Variants in MYO9A observed in about 807,000 individuals in gnomAD.
The protein encoded by MYO9A is myosin IXA.
A neutral mutation model predicts 293.3 loss-of-function variants in MYO9A; 103 were observed. The ratio of observed to expected loss-of-function variants is 0.35; its 90% CI spans 0.30 to 0.41. The LOEUF (loss-of-function observed/expected upper bound fraction) is 0.41, where lower values mean the gene tolerates loss of function less well. Ranked by LOEUF, MYO9A falls within the 10% of genes least tolerant of loss-of-function variation. The pLI, the probability that MYO9A is intolerant of heterozygous loss-of-function variation, is 1.00. For synonymous variants in MYO9A, 1,001 were observed against 1,035.7 expected (o/e 0.97, Z 0.64); for missense variants, 2,685 against 3,033.0 (o/e 0.89, Z 2.69).
chr15:72,015,905 G>C (rs2077324293), intron 6 of MYO9A, among the ~76,000 whole-genome samples: 1 of 151,890 alleles, frequency 6.6e-6, no homozygotes, highest in Non-Finnish European at 1.5e-5. Flanking sequence ...AGCCAGGATG[G>C]TCTCAATCTC....
intron 20 of MYO9A, 79 bp from the exon 21 acceptor site, chr15:71,904,118 T>C: frequency 1.8e-6 from 2 of 1,122,728 alleles, no homozygotes; most frequent in Non-Finnish European, 2.6e-6. Flanking sequence ...TGACTAACTG[T>C]TGAGTATCTA....
intron 19 of MYO9A, among the ~76,000 whole-genome samples, chr15:71,905,531 T>G (rs542298856): frequency 1.3e-5 from 2 of 152,198 alleles, no homozygotes; most frequent in South Asian, 4.1e-4. Flanking sequence ...ACGCCTATAA[T>G]CCCAGCATTT....
chr15:72,086,543 C>T (rs1477461122), intron 1 of MYO9A, among the ~76,000 whole-genome samples: 2 of 151,964 alleles, frequency 1.3e-5, no homozygotes, highest in South Asian at 2.1e-4. Flanking sequence ...CTCACACTGG[C>T]AGCAGTGGCA....
intron 2 of MYO9A, among the ~76,000 whole-genome samples, chr15:72,038,535 G>A (rs893820639): frequency 3.9e-5 from 6 of 152,250 alleles, no homozygotes; most frequent in East Asian, 3.9e-4. Flanking sequence ...GCAAGATGTG[G>A]AACAGATCCA....
intron 34 of MYO9A, among the ~76,000 whole-genome samples, chr15:71,855,455 C>G (rs1351792285): frequency 1.3e-5 from 2 of 152,164 alleles, no homozygotes; most frequent in African/African-American, 2.4e-5. Flanking sequence ...CTTTATTAAC[C>G]TATAGGTTAC....
At chr15:72,103,047 T>A (rs2080413602) in intron 1 of MYO9A, among the ~76,000 whole-genome samples, 1 of 1,508 alleles carries the variant, frequency 6.6e-4, no homozygotes, top group Admixed American at 7.5e-3. Context: ...AGTGGTGCGA[T>A]CTCTGTTCAC....
At chr15:71,870,921 A>G (rs2056490897) in intron 32 of MYO9A, among the ~76,000 whole-genome samples, 1 of 152,216 alleles carries the variant, frequency 6.6e-6, no homozygotes, top group Admixed American at 6.5e-5. Flanking sequence ...TGGTATTTCA[A>G]ACCAGTGAAA....
At chr15:71,862,051 G>C (rs976099106) in intron 33 of MYO9A, among the ~76,000 whole-genome samples, 3 of 152,314 alleles carry the variant, frequency 2.0e-5, no homozygotes, top group South Asian at 4.1e-4. Flanking sequence ...AGAATCACTT[G>C]AACCTGGGAA....
rs559736690 is a variant in MYO9A at position 71,863,176 on chromosome 15, C to T, written c.5980-565G>A. Among the ~76,000 whole-genome samples, 19 of 151,816 alleles carry T rather than the reference C, an allele frequency of 1.3e-4. No homozygotes were observed. The South Asian group carries it at 2.5e-3, about 20-fold the overall frequency. ...CTTGAACTCCTGATCTCAAGTTATC[C>T]GCCTGCCTCAGACTCCCAAAGTGCT... is the stretch of plus-strand genomic sequence containing the variant. On this transcript the variant is annotated intron_variant, in intron 32 of 41. Coordinates refer to ENST00000356056, the MANE Select transcript of MYO9A (RefSeq NM_006901.4).
intron 4 of MYO9A, 105 bp downstream of exon 4, chr15:72,027,626 C>A: frequency 1.2e-6 from 1 of 848,584 alleles, no homozygotes; most frequent in East Asian, 2.5e-5. Flanking sequence ...TAAAGCTATG[C>A]ATGACGTAAA....
chr15:71,833,648 C>T (rs1431455616), intron 39 of MYO9A, among the ~76,000 whole-genome samples: 4 of 152,170 alleles, frequency 2.6e-5, no homozygotes, highest in African/African-American at 9.6e-5. Context: ...AAAGCGCACA[C>T]AGCAAGACAA....
At chr15:71,924,328 A>C (rs1476536901) in intron 18 of MYO9A, among the ~76,000 whole-genome samples, 1 of 151,372 alleles carries the variant, frequency 6.6e-6, no homozygotes, top group East Asian at 2.0e-4. Flanking sequence ...TGCAAGCTCC[A>C]CCTCCCAGGT....
At chr15:71,894,642 G>A (rs1253795951) in intron 25 of MYO9A, among the ~76,000 whole-genome samples, 1 of 152,108 alleles carries the variant, frequency 6.6e-6, no homozygotes, top group Non-Finnish European at 1.5e-5. Context: ...AACACTGGCA[G>A]GGTAAGAAAT....
chr15:72,086,761 G>T (rs7173946), intron 1 of MYO9A, among the ~76,000 whole-genome samples: 1 of 24,434 alleles, frequency 4.1e-5, no homozygotes, highest in Non-Finnish European at 1.1e-4. Flanking sequence ...TTTTTTTGTT[G>T]TTTTTGTTGT....
chr15:71,870,817 T>C (rs115285644), intron 32 of MYO9A, among the ~76,000 whole-genome samples: 2,643 of 152,304 alleles, frequency 0.017, 83 homozygotes, highest in African/African-American at 0.06. Context: ...TTCAAGTTTG[T>C]TTTTTGGAAC....
chr15:71,916,354 C>G lies in MYO9A; in HGVS notation c.2685+16G>C. 2 of 1,603,564 alleles carry G rather than the reference C, an allele frequency of 1.2e-6. No individual in the cohort carries two copies. The highest frequency in any genetic ancestry group is 1.7e-6 in the Non-Finnish European group (2 of 1,177,174). ...GATACAGATTCTTATTTGTTTTAAG[C>G]GAAACAAGAAATAACCTGAAACTGG... On this transcript the variant is annotated intron_variant, in intron 19 of 41. Transcript: ENST00000356056.
At position 72,102,009 on chromosome 15, in the gene MYO9A, C is replaced by T. The variant is rs1250951787; in HGVS notation, c.-72+15671G>A. On this transcript the variant is annotated intron_variant, in intron 1 of 41. Transcript: ENST00000356056. The stretch of plus-strand genomic sequence containing the variant: ...GGTGTGCCCAACAGCTCATTGAGAA[C>T]GGGCCAGGATGACAATGGCGGCTTT... Among the ~76,000 whole-genome samples, 19 of 151,286 alleles carry T rather than the reference C, an allele frequency of 1.3e-4. No homozygotes were observed. The South Asian group carries it at 3.8e-3, about 30-fold the overall frequency.
intron 1 of MYO9A, among the ~76,000 whole-genome samples, chr15:72,110,566 ATTAT>A: frequency 6.6e-6 from 1 of 152,312 alleles, no homozygotes; most frequent in South Asian, 2.1e-4. Context: ...AAATCTGTCA[ATTAT>A]TTAAGGAATG....
rs2057357044 is a variant in MYO9A, at chr15:71,897,247, T to C, written c.5042+214A>G. 5.5e-6 allele frequency: 3 copies of C among 546,114 alleles called. No homozygotes were observed. In the Admixed American group the frequency reaches 9.4e-5, roughly 17 times the overall value. The allele number at this position is 546,114 out of a possible 1,614,324, so 33.8% of individuals were successfully genotyped here. A position where few individuals can be genotyped will look rare whatever the true frequency, so the allele number is the denominator to read the frequency against. ...ACTTAATGGGGAGGAACCCAGTATTTACTCTGCTATTCATGATCAGTCAAG... is the reference window on the plus strand; with the variant it reads ...ACTTAATGGGGAGGAACCCAGTATTCACTCTGCTATTCATGATCAGTCAAG... On this transcript the variant is annotated intron_variant, in intron 25 of 41. Coordinates refer to ENST00000356056, the MANE Select transcript of MYO9A (RefSeq NM_006901.4).
Sources: gnomAD v4.1 joint callset for allele counts (sites outside exome capture counted in the v4.1 genomes callset) on GRCh38, gnomAD v4.1.1 for gene constraint, MANE v1.5 for transcripts, NCBI Gene and HGNC (gene_info 2026-07-23, HGNC 2026-07-21) for gene names.